Variants in ZMYND8 observed in about 807,000 individuals in gnomAD.
ZMYND8 encodes MYND-type zinc finger-containing chromatin reader ZMYND8.
In ZMYND8, 37 loss-of-function variants were observed where a neutral mutation model predicts 140.8. The observed-to-expected ratio is 0.26, with a 90% CI of 0.20 to 0.35. ZMYND8 has a LOEUF of 0.35. Among genes scored for constraint, ZMYND8 ranks in the 10% least tolerant of loss-of-function variants. The probability of loss-of-function intolerance (pLI) is 1.00; values close to 1 mark genes in which losing one functional copy is unlikely to be tolerated. For synonymous variants in ZMYND8, 592 were observed against 597.1 expected, an observed-to-expected ratio of 0.99 and a Z score of 0.12; for missense variants, 1,068 against 1,570.0, an observed-to-expected ratio of 0.68 and a Z score of 5.40.
intron 2 of ZMYND8, among the ~76,000 whole-genome samples, chr20:47,313,426 T>C (rs1054653586): frequency 8.0e-5 from 12 of 150,526 alleles, no homozygotes; most frequent in East Asian, 2.0e-4. Flanking sequence ...ATCGAGACCA[T>C]CCTGGCTAAC....
chr20:47,324,597 C>T (rs73304093), intron 2 of ZMYND8, among the ~76,000 whole-genome samples: 12,780 of 152,226 alleles, frequency 0.084, 586 homozygotes, highest in Middle Eastern at 0.14. Context: ...CTGTAGACAC[C>T]TAAGGTCTTA....
chr20:47,255,677 A>ATGTGTG (rs376160663), intron 12 of ZMYND8, among the ~76,000 whole-genome samples: 1 of 100,880 alleles, frequency 9.9e-6, no homozygotes, highest in African/African-American at 4.4e-5. Context: ...TATATGGTGT[A>ATGTGTG]TGTGTGTGTG....
At position 47,246,333 on chromosome 20, in the gene ZMYND8, T is replaced by C. The variant is rs747707132; in HGVS notation, c.1959A>G (p.Lys653=). ...CTGGGTTTGTAGGCTTGGGCTTTTTTTTAACAGCAGATGGCTCTTTGTCCA... is the reference window on the plus strand; with the variant it reads ...CTGGGTTTGTAGGCTTGGGCTTTTTCTTAACAGCAGATGGCTCTTTGTCCA... The part of the protein sequence containing the change: ...CQMDKEPSAV[K]KKPKPTNPVE... The change falls in exon 14 of 23, where the codon AAA becomes AAG. Residue 653 remains lysine, a synonymous_variant. Transcript: ENST00000471951. The C allele has an allele frequency of 2.5e-6, 4 of 1,614,192 alleles. No homozygotes were observed. The highest frequency in any genetic ancestry group is 3.4e-6 in the Non-Finnish European group (4 of 1,180,026).
intron 2 of ZMYND8, among the ~76,000 whole-genome samples, chr20:47,316,080 C>T (rs1293703313): frequency 6.6e-6 from 1 of 152,144 alleles, no homozygotes; most frequent in Non-Finnish European, 1.5e-5. Context: ...CGCCTGTAAT[C>T]CCAGCACTTT....
intron 10 of ZMYND8, among the ~76,000 whole-genome samples, chr20:47,279,500 A>T (rs1214207402): frequency 6.8e-6 from 1 of 146,200 alleles, no homozygotes; most frequent in Non-Finnish European, 1.5e-5. Flanking sequence ...TAAATAAATA[A>T]ATAAATAATA....
Position 47,229,764 on chromosome 20 carries a change from C to T in ZMYND8, c.2899G>A (p.Asp967Asn), listed in dbSNP as rs937088972. The T allele has an allele frequency of 3.1e-6, 5 of 1,613,186 alleles. No homozygotes were observed. The highest frequency in any genetic ancestry group is 1.3e-5 in the African/African-American group (1 of 74,840). Reference sequence around the variant, plus strand: ...CTTCCAGTAGTGTTTTTAGAAAGATCGTTGTATATTTCTGTCATTGTTCCT... The same window carrying T: ...CTTCCAGTAGTGTTTTTAGAAAGATTGTTGTATATTTCTGTCATTGTTCCT... ...IKGTMTEIYN[D>N]LSKNTTGSTI... Residue 967 changes from aspartate to asparagine, a missense_variant, in exon 17 of 23, where the codon GAT (aspartate) becomes AAT (asparagine). By Grantham distance (23) the Asp-to-Asn change is conservative (BLOSUM62 1). This residue lies in a region of ZMYND8 where 87 missense variants were observed against 151.1 expected (regional missense o/e 0.58). Coordinates refer to ENST00000471951, the MANE Select transcript of ZMYND8 (RefSeq NM_001281775.3).
chr20:47,318,966 T>C (rs780336685), intron 2 of ZMYND8: 46 of 1,351,310 alleles, frequency 3.4e-5, no homozygotes, highest in Non-Finnish European at 4.2e-5. Context: ...ATTGAGAAAG[T>C]GCGGCTGCTC....
chr20:47,277,544 T>C (rs2076327165), intron 10 of ZMYND8, among the ~76,000 whole-genome samples: 4 of 152,252 alleles, frequency 2.6e-5, no homozygotes, highest in Admixed American at 1.3e-4. Context: ...TTGGCTACCA[T>C]GTATGATCTG....
intron 9 of ZMYND8, 136 bp from the exon 10 acceptor site, chr20:47,282,353 C>T: frequency 1.5e-6 from 1 of 670,028 alleles, no homozygotes; most frequent in East Asian, 2.9e-5. Flanking sequence ...GCAGGGTCGG[C>T]CTGTGTGGTA....
rs750254877 is a variant in ZMYND8, at chr20:47,276,504, C to T, written c.1290G>A (p.Leu430=). Residue 430 remains leucine, a synonymous_variant, in exon 11 of 23, where the codon CTG becomes CTA. Coordinates refer to ENST00000471951, the MANE Select transcript of ZMYND8 (RefSeq NM_001281775.3). ...CCCCACTCAGCACAGGCTTGCTCATCAGGATCTTGGGGGATGCCGTCATGT... is the reference window on the plus strand; with the variant it reads ...CCCCACTCAGCACAGGCTTGCTCATTAGGATCTTGGGGGATGCCGTCATGT... ...NFDMTASPKI[L]MSKPVLSGGT... is the part of the protein sequence containing the mutation. 6.2e-7 allele frequency: 1 copy of T among 1,614,094 alleles called. No homozygotes were observed. The highest frequency in any genetic ancestry group is 8.5e-7 in the Non-Finnish European group (1 of 1,180,018).
At position 47,212,651 on chromosome 20, in the gene ZMYND8, C is replaced by T. The variant is rs572504561; in HGVS notation, c.3559G>A (p.Ala1187Thr). 22 of 1,613,788 alleles carry T rather than the reference C, an allele frequency of 1.4e-5. No individual in the cohort carries two copies. The highest frequency in any genetic ancestry group is 6.7e-5 in the Admixed American group (4 of 59,972). Residue 1187 changes from alanine (A) to threonine (T), a missense_variant, in exon 22 of 23, where the codon GCC (alanine) becomes ACC (threonine). Transcript: ENST00000471951. ...TDHQPHPNYP[A>T]QKYHSRSNKS... Reference sequence around the variant, plus strand: ...ACAGGTTCATACTTACACTTCTGGGCGGGGTAGTTGGGGTGCGGCTGGTGG... The same window carrying T: ...ACAGGTTCATACTTACACTTCTGGGTGGGGTAGTTGGGGTGCGGCTGGTGG...
At chr20:47,216,785 C>T (rs972583810) in intron 21 of ZMYND8, among the ~76,000 whole-genome samples, 2 of 151,990 alleles carry the variant, frequency 1.3e-5, no homozygotes, top group Admixed American at 6.6e-5. Flanking sequence ...CCAGCCTGGG[C>T]GACAGAGCAA....
chr20:47,247,340 G>A (rs944497727), intron 13 of ZMYND8, among the ~76,000 whole-genome samples: 1 of 152,174 alleles, frequency 6.6e-6, no homozygotes, highest in African/African-American at 2.4e-5. Context: ...AGGTGACCCG[G>A]GTGCCCAGCC....
intron 11 of ZMYND8, among the ~76,000 whole-genome samples, chr20:47,266,465 G>C (rs2075535636): frequency 6.6e-6 from 1 of 152,098 alleles, no homozygotes; most frequent in Non-Finnish European, 1.5e-5. Context: ...ATTTTTAGTA[G>C]AGATGGGGGT....
chr20:47,220,393 AG>A (rs1279668878), intron 20 of ZMYND8, 69 bp from the exon 21 acceptor site: 1 of 1,301,262 alleles, frequency 7.7e-7, no homozygotes, highest in African/African-American at 1.5e-5. Flanking sequence ...AGGGAAATCC[AG>A]GGAGTCATGG....
chr20:47,287,268 C>T lies in ZMYND8; in HGVS notation c.765G>A (p.Thr255=), dbSNP rs139817127. 1.4e-5 allele frequency: 23 copies of T among 1,613,504 alleles called. No individual in the cohort carries two copies. The highest frequency in any genetic ancestry group is 6.7e-5 in the African/African-American group (5 of 74,890). ...TTTTGATGACTACTTTCGCTATTTG[C>T]GTCAATTTGTGATTTCCTAAGGGAA... ...IIYNGGNHKL[T]QIAKVVIKIC... is the part of the protein sequence containing the mutation. Residue 255 remains threonine (T), a synonymous_variant, in exon 8 of 23, where the codon ACG becomes ACA. Transcript: ENST00000471951.
At chr20:47,236,114 A>C (rs2039197988) in intron 16 of ZMYND8, among the ~76,000 whole-genome samples, 2 of 152,234 alleles carry the variant, frequency 1.3e-5, no homozygotes, top group Non-Finnish European at 2.9e-5. Context: ...TTAGAATCTA[A>C]GCCCACTTGG....
chr20:47,278,253 G>T (rs2076378589), intron 10 of ZMYND8, among the ~76,000 whole-genome samples: 1 of 152,204 alleles, frequency 6.6e-6, no homozygotes, highest in South Asian at 2.1e-4. Context: ...CAAGAGCTGG[G>T]ATTATAGGTG....
chr20:47,241,117 A>G (rs1290201017), intron 14 of ZMYND8, among the ~76,000 whole-genome samples: 6 of 151,696 alleles, frequency 4.0e-5, no homozygotes, highest in Non-Finnish European at 8.8e-5. Context: ...AACATGGTGA[A>G]ACCCCATCTC....
Sources: allele counts gnomAD v4.1 joint callset (sites outside exome capture counted in the v4.1 genomes callset), GRCh38; gene constraint gnomAD v4.1.1; regional missense constraint gnomAD v4.1.1; transcripts MANE v1.5; gene names NCBI Gene and HGNC (gene_info 2026-07-23, HGNC 2026-07-21).